The following RAB11FIP4 variants were observed in gnomAD, a reference collection of about 807,000 sequenced individuals.
RAB11FIP4 encodes rab11 family-interacting protein 4.
RAB11FIP4 carries 23 observed loss-of-function variants against 74.3 expected under a neutral mutation model. The ratio of observed to expected loss-of-function variants is 0.31; its 90% CI spans 0.22 to 0.44. RAB11FIP4 has a LOEUF of 0.44. Ranked by LOEUF, RAB11FIP4 falls within the 20% of genes least tolerant of loss-of-function variation. The pLI is 1.00. For missense variants in RAB11FIP4, 630 were observed against 863.9 expected (o/e 0.73, Z 3.39); for synonymous variants, 360 against 359.9 (o/e 1.00, Z 0.00).
chr17:31,428,172 T>C (rs1044905217), intron 1 of RAB11FIP4, among the ~76,000 whole-genome samples: 3 of 152,214 alleles, frequency 2.0e-5, no homozygotes, highest in African/African-American at 7.2e-5. Context: ...GGGGCCTCTT[T>C]GTCCACTGCT....
At chr17:31,407,040 A>ATTTTTTTTTTTTTTTTTTTTTTTTTTTTT (rs59919036) in intron 1 of RAB11FIP4, among the ~76,000 whole-genome samples, 6 of 51,216 alleles carry the variant, frequency 1.2e-4, no homozygotes, top group East Asian at 5.8e-4. Context: ...GTTTCACTTG[A>ATTTTTTTTTTTTTTTTTTTTTTTTTTTTT]TTTTTTTTTT....
chr17:31,443,726 A>T (rs1479872439), intron 3 of RAB11FIP4, among the ~76,000 whole-genome samples: 1 of 152,170 alleles, frequency 6.6e-6, no homozygotes, highest in Non-Finnish European at 1.5e-5. Flanking sequence ...CTTGGCCAAC[A>T]TGGCGAAACC....
chr17:31,444,640 A>G (rs1285619984), intron 3 of RAB11FIP4, among the ~76,000 whole-genome samples: 1 of 151,956 alleles, frequency 6.6e-6, no homozygotes, highest in East Asian at 1.9e-4. Context: ...GCCTAACCCA[A>G]CCCTGACGCC....
At chr17:31,525,317 G>A in intron 10 of RAB11FIP4, 87 bp downstream of exon 10, 1 of 1,342,242 alleles carries the variant, frequency 7.5e-7, no homozygotes, top group Non-Finnish European at 1.0e-6. Flanking sequence ...CCATTTTATA[G>A]ATGGGAATGT....
chr17:31,425,627 G>A (rs1439687037), intron 1 of RAB11FIP4, among the ~76,000 whole-genome samples: 2 of 152,128 alleles, frequency 1.3e-5, no homozygotes, highest in Non-Finnish European at 2.9e-5. Context: ...AAATAGAAGG[G>A]GAAGCCTGGT....
At chr17:31,487,742 C>T (rs2071922809) in intron 3 of RAB11FIP4, among the ~76,000 whole-genome samples, 2 of 152,080 alleles carry the variant, frequency 1.3e-5, no homozygotes. Context: ...GAGACTACAG[C>T]GCCTACCTGG....
At position 31,434,169 on chromosome 17, in the gene RAB11FIP4, T is replaced by C. The variant is rs761941380; in HGVS notation, c.336+47T>C. 3.4e-6 allele frequency: 5 copies of C among 1,451,688 alleles called. No homozygotes were observed. In the East Asian group the frequency reaches 1.2e-4, roughly 34 times the overall value. The allele number at this position is 1,451,688 out of a possible 1,614,324, so 89.9% of individuals were successfully genotyped here. The stretch of plus-strand genomic sequence containing the variant: ...GGACCTCCATGGCTCTGCCTCCTCC[T>C]TCTTGGTCTTGCCTTTGCTCCATTT... On this transcript the variant is annotated intron_variant, in intron 3 of 14. Coordinates refer to ENST00000621161, the MANE Select transcript of RAB11FIP4 (RefSeq NM_032932.6).
intron 3 of RAB11FIP4, among the ~76,000 whole-genome samples, chr17:31,502,324 A>G (rs892052873): frequency 2.6e-5 from 4 of 152,138 alleles, no homozygotes; most frequent in African/African-American, 7.2e-5. Context: ...CACACCTGTA[A>G]TCCTAGCACT....
intron 3 of RAB11FIP4, among the ~76,000 whole-genome samples, chr17:31,472,093 C>T (rs1245843617): frequency 7.3e-5 from 11 of 150,838 alleles, no homozygotes; most frequent in East Asian, 2.0e-4. Flanking sequence ...ACCCGGGAGG[C>T]GGAGGTTGCA....
At chr17:31,435,824 G>A (rs1002061613) in intron 3 of RAB11FIP4, among the ~76,000 whole-genome samples, 1 of 152,246 alleles carries the variant, frequency 6.6e-6, no homozygotes, top group Non-Finnish European at 1.5e-5. Context: ...GGGCCCCCAG[G>A]CTGGGAGTCA....
intron 3 of RAB11FIP4, among the ~76,000 whole-genome samples, chr17:31,460,162 T>A (rs1262354206): frequency 6.6e-6 from 1 of 152,212 alleles, no homozygotes; most frequent in Non-Finnish European, 1.5e-5. Context: ...TCTTTGGGTC[T>A]GGTGGAGGAG....
At chr17:31,521,850 A>G in intron 5 of RAB11FIP4, 65 bp from the exon 6 acceptor site, 1 of 1,598,354 alleles carries the variant, frequency 6.3e-7, no homozygotes, top group Non-Finnish European at 8.6e-7. Context: ...TCAGCTCAGC[A>G]GGGTGGTGTA....
chr17:31,425,255 G>A (rs139804647), intron 1 of RAB11FIP4, among the ~76,000 whole-genome samples: 49 of 152,338 alleles, frequency 3.2e-4, no homozygotes, highest in African/African-American at 1.2e-3. Flanking sequence ...ACAGTGCCTG[G>A]CACAAAGGAA....
rs193105626 is a variant in RAB11FIP4 at position 31,459,940 on chromosome 17, A to G, written c.336+25818A>G. ...ACTGGCTCAGGACAGAAGTACACAG[A>G]GTGCTCTGGAAATTGGTGGTGGCCA... On this transcript the variant is annotated intron_variant, in intron 3 of 14. Coordinates refer to ENST00000621161, the MANE Select transcript of RAB11FIP4 (RefSeq NM_032932.6). Among the ~76,000 whole-genome samples, 510 of 152,160 alleles carry G rather than the reference A, an allele frequency of 3.4e-3. 8 individuals are homozygous for G. The highest frequency in any genetic ancestry group is 0.012 in the African/African-American group (493 of 41,526).
chr17:31,427,628 G>A (rs1292416764), intron 1 of RAB11FIP4, among the ~76,000 whole-genome samples: 2 of 152,214 alleles, frequency 1.3e-5, no homozygotes, highest in African/African-American at 2.4e-5. Context: ...CTCTGTGGCC[G>A]ACTCCACCCT....
At position 31,431,793 on chromosome 17, in the gene RAB11FIP4, T is replaced by C. The variant is rs372216105; in HGVS notation, c.160-20T>C. ...GAGATCCTTGGGTGTCTCACACCTG[T>C]CCCTGCTTCATTCCCACAGGTGGAA... On this transcript the variant is annotated intron_variant, in intron 1 of 14. Transcript: ENST00000621161. 3.9e-5 allele frequency: 61 copies of C among 1,575,676 alleles called. No homozygotes were observed. The African/African-American group carries it at 7.8e-4, about 20-fold the overall frequency.
intron 8 of RAB11FIP4, 116 bp from the exon 9 acceptor site, chr17:31,523,777 A>AC: frequency 2.0e-6 from 2 of 1,000,842 alleles, no homozygotes; most frequent in Non-Finnish European, 3.1e-6. Context: ...CCCACACATG[A>AC]CCGTTCTCAG....
intron 3 of RAB11FIP4, among the ~76,000 whole-genome samples, chr17:31,483,192 CAAAAAAAAA>C (rs56720417): frequency 7.2e-4 from 42 of 58,570 alleles, no homozygotes; most frequent in African/African-American, 2.6e-3. Context: ...GACTGCATCT[CAAAAAAAAA>C]AAAAAAAAAA....
chr17:31,402,869 C>CGA (rs2071005023), intron 1 of RAB11FIP4, among the ~76,000 whole-genome samples: 2 of 151,978 alleles, frequency 1.3e-5, no homozygotes, highest in Non-Finnish European at 2.9e-5. Flanking sequence ...TTGTGATCCA[C>CGA]CCGCCTTGGC....
Sources: gnomAD v4.1 joint callset for allele counts (sites outside exome capture counted in the v4.1 genomes callset) on GRCh38, gnomAD v4.1.1 for gene constraint, MANE v1.5 for transcripts, NCBI Gene and HGNC (gene_info 2026-07-23, HGNC 2026-07-21) for gene names.